Variants in ECE2 observed in about 807,000 individuals in gnomAD.
The protein encoded by ECE2 is endothelin-converting enzyme 2.
A neutral mutation model predicts 100.6 loss-of-function variants in ECE2; 81 were observed. The ratio of observed to expected loss-of-function variants is 0.81; its 90% CI spans 0.67 to 0.97. The LOEUF is 0.97. Among genes scored for constraint, ECE2 ranks in the 50% least tolerant of loss-of-function variants. ECE2 has a pLI of 0.00. For missense variants in ECE2, 911 were observed against 988.1 expected (o/e 0.92, Z 1.05); for synonymous variants, 391 against 391.5 (o/e 1.00, Z 0.02).
At chr3:184,288,301 C>T (rs1354512606) in intron 11 of ECE2, among the ~76,000 whole-genome samples, 12 of 85,986 alleles carry the variant, frequency 1.4e-4, no homozygotes, top group Admixed American at 1.7e-4. Context: ...CAGAGCAAAA[C>T]TCTGTCTCAA....
rs1284210456 is a variant in ECE2, at chr3:184,289,647, G to A, written c.1480G>A (p.Ala494Thr). 1 of 1,613,632 alleles carries A rather than the reference G, an allele frequency of 6.2e-7. No homozygotes were observed. The highest frequency in any genetic ancestry group is 8.5e-7 in the Non-Finnish European group (1 of 1,179,728). ...CTTAACCTGGTCTCTTCAGGCAGAT[G>A]CCATCTATGATATGATTGGTTTCCC... ...TRQAAKEKAD[A>T]IYDMIGFPDF... The change falls in exon 13 of 19, where the codon GCC (alanine) becomes ACC (threonine). Residue 494 changes from alanine to threonine, a missense_variant. Ala to Thr is a moderately conservative substitution (Grantham distance 58). Transcript: ENST00000404464. This position sits in a 1 kb window ranked among gnomAD's most constrained non-coding sequence, Gnocchi z 4.1.
Position 184,291,395 on chromosome 3 carries a change from G to A in ECE2, c.2077G>A (p.Val693Met), listed in dbSNP as rs752796877. Residue 693 changes from valine (V) to methionine (M), a missense_variant, in exon 18 of 19, where the codon GTG (valine) becomes ATG (methionine). Physicochemically the swap from Val to Met is conservative, Grantham distance 21. Coordinates refer to ENST00000404464, the MANE Select transcript of ECE2 (RefSeq NM_001100121.2). The surrounding 1 kb of genome is among the most constrained non-coding windows in gnomAD (Gnocchi z 4.1). ...TGGGGAGGAGCAGCAACTGCCAGCC[G>A]TGGGGCTCACCAACCACCAGCTCTT... ...KHGEEQQLPA[V>M]GLTNHQLFFV... 1.8e-5 allele frequency: 29 copies of A among 1,607,330 alleles called. No individual in the cohort carries two copies. Among genetic ancestry groups the A allele is most frequent in the African/African-American group, 6.7e-5 (5 of 74,866 alleles).
chr3:184,288,740 G>T (rs1302651890), intron 11 of ECE2, among the ~76,000 whole-genome samples: 1 of 152,198 alleles, frequency 6.6e-6, no homozygotes, highest in Non-Finnish European at 1.5e-5. Context: ...AAAAACTCTA[G>T]AAGTGGGTAA....
rs774549333 is a variant in ECE2 at position 184,277,973 on chromosome 3, G to A, written c.527G>A (p.Arg176His). 1.5e-5 allele frequency: 24 copies of A among 1,613,534 alleles called. No individual in the cohort carries two copies. The highest frequency in any genetic ancestry group is 1.3e-4 in the Admixed American group (8 of 60,018). The change falls in exon 5 of 19, where the codon CGC becomes CAC. Residue 176 changes from arginine (R) to histidine (H), a missense_variant. Physicochemically the swap from Arg to His is conservative, Grantham distance 29. Coordinates refer to ENST00000404464, the MANE Select transcript of ECE2 (RefSeq NM_001100121.2). ...AGTGAAGCTGAGCAGAAGACACAGC[G>A]CTTCTACCTATCTTGCCTACAGGTG... ...SSSEAEQKTQRFYLSCLQVER... is the reference protein window; with the variant it reads ...SSSEAEQKTQHFYLSCLQVER...
Position 184,284,960 on chromosome 3 carries a change from C to T in ECE2, c.1006-3C>T. The T allele has an allele frequency of 6.2e-7, 1 of 1,609,806 alleles. No homozygotes were observed. Among genetic ancestry groups the T allele is most frequent in the Non-Finnish European group, 8.5e-7 (1 of 1,178,698 alleles). ...GGCAAGGCCTGAGATTTTTTTCTTT[C>T]AGGCTCTGGCGCCCTCCATGGACTG... On this transcript the variant is annotated splice_region_variant and splice_polypyrimidine_tract_variant and intron_variant, in intron 8 of 18. Transcript: ENST00000404464.
In ECE2 at chr3:184,289,401, T is replaced by C. The variant is rs1361419951; in HGVS notation, c.1375-36T>C. Reference sequence around the variant, plus strand: ...ATGGGTGGGGCAGGGATGCATTCAGTGCAGGGGAAGGCTGACTTTACCTCC... The same window carrying C: ...ATGGGTGGGGCAGGGATGCATTCAGCGCAGGGGAAGGCTGACTTTACCTCC... On this transcript the variant is annotated intron_variant, in intron 11 of 18. Coordinates refer to ENST00000404464, the MANE Select transcript of ECE2 (RefSeq NM_001100121.2). This position sits in a 1 kb window ranked among gnomAD's most constrained non-coding sequence, Gnocchi z 4.1. 2 of 1,560,194 alleles carry C rather than the reference T, an allele frequency of 1.3e-6. No homozygotes were observed. Among genetic ancestry groups the C allele is most frequent in the Non-Finnish European group, 1.7e-6 (2 of 1,150,486 alleles).
In ECE2 at chr3:184,292,469, G is replaced by A. The variant is rs1039527305; in HGVS notation, c.*231G>A. 4.6e-5 allele frequency: 26 copies of A among 566,062 alleles called. No homozygotes were observed. The highest frequency in any genetic ancestry group is 4.7e-4 in the Middle Eastern group (1 of 2,140). 35.1% of individuals were successfully genotyped at this position (566,062 alleles called of 1,614,324 possible). A position where few individuals can be genotyped will look rare whatever the true frequency, so the allele number is the denominator to read the frequency against. Reference sequence around the variant, plus strand: ...CCACCATTCACTGTGACATCTTTCCGTGTCACCCTGCCTGGAAGAGGTCTG... The same window carrying A: ...CCACCATTCACTGTGACATCTTTCCATGTCACCCTGCCTGGAAGAGGTCTG... On this transcript the variant is annotated 3_prime_UTR_variant, in exon 19 of 19. Transcript: ENST00000404464.
chr3:184,290,536 C>T (rs759336651), intron 14 of ECE2, 21 bp from the exon 15 acceptor site: 4 of 1,608,936 alleles, frequency 2.5e-6, no homozygotes, highest in African/African-American at 1.3e-5. Context: ...GAGCCTCAGC[C>T]CCTCACTCTT....
At chr3:184,290,417 C>T (rs1188798056) in intron 14 of ECE2, 59 bp downstream of exon 14, 2 of 1,584,274 alleles carry the variant, frequency 1.3e-6, no homozygotes, top group Non-Finnish European at 1.7e-6. Flanking sequence ...GGGGAAGGTT[C>T]CTGGGATGGG....
Position 184,291,053 on chromosome 3 carries a change from C to T in ECE2, c.1848C>T (p.Asp616=), listed in dbSNP as rs1413930221. ...HAFDDQGREY[D]KEGNLRPWWQ... is the part of the protein sequence containing the mutation. ...AGTTCTCCTCAGGGCGCGAGTATGA[C>T]AAAGAAGGGAACCTGCGGCCCTGGT... The change falls in exon 17 of 19, where the codon GAC becomes GAT. Residue 616 remains aspartate, a synonymous_variant. Transcript: ENST00000404464. This position sits in a 1 kb window ranked among gnomAD's most constrained non-coding sequence, Gnocchi z 4.1. 3 of 1,570,944 alleles carry T rather than the reference C, an allele frequency of 1.9e-6. No individual in the cohort carries two copies. Among genetic ancestry groups the T allele is most frequent in the Non-Finnish European group, 2.6e-6 (3 of 1,157,124 alleles).
rs10652404 is a variant in ECE2 at position 184,279,656 on chromosome 3, C to CAAA, written c.816+1113_816+1115dup. Reference sequence around the variant, plus strand: ...TGGGCAACAGAACAAGACTTCATCTCAAAAAAAAAAAAAAAAGTGTTGACG... The same window carrying CAAA: ...TGGGCAACAGAACAAGACTTCATCTCAAAAAAAAAAAAAAAAAAAGTGTTGACG... On this transcript the variant is annotated intron_variant, in intron 7 of 18. Transcript: ENST00000404464. 1.4e-3 allele frequency among the ~76,000 whole-genome samples: 180 copies of CAAA among 128,080 alleles called. 3 individuals are homozygous for CAAA. The highest frequency in any genetic ancestry group is 3.3e-3 in the East Asian group (14 of 4,236). The allele number at this position is 128,080 out of a possible 152,430, so 84.0% of individuals were successfully genotyped here. A position where few individuals can be genotyped will look rare whatever the true frequency, so the allele number is the denominator to read the frequency against.
chr3:184,280,823 A>G (rs889302361), intron 7 of ECE2, among the ~76,000 whole-genome samples: 6 of 152,128 alleles, frequency 3.9e-5, no homozygotes, highest in Admixed American at 3.9e-4. Context: ...TACTAAAAAT[A>G]CAAAAATTAG....
At chr3:184,290,116 T>G in intron 13 of ECE2, 139 bp from the exon 14 acceptor site, 1 of 685,974 alleles carries the variant, frequency 1.5e-6, no homozygotes, top group Non-Finnish European at 2.5e-6. Context: ...CCTTTAAATA[T>G]TGCCAATTAT....
chr3:184,284,087 C>T, intron 8 of ECE2, 114 bp downstream of exon 8: 1 of 1,290,472 alleles, frequency 7.7e-7, no homozygotes, highest in Non-Finnish European at 1.1e-6. Context: ...CATTCCCTTG[C>T]TTTTCTGTGC....
rs1560185573 is a variant in ECE2 at position 184,285,589 on chromosome 3, GA to G, written c.1262del (p.Lys421SerfsTer27). On this transcript the variant is annotated frameshift_variant and splice_region_variant, in exon 10 of 19. Coordinates refer to ENST00000404464, the MANE Select transcript of ECE2 (RefSeq NM_001100121.2). LOFTEE classifies it high-confidence loss of function. ...KLLETLYGTK[K>X]SCVPRWQTCI... ...TGCTGGAGACCCTCTATGGCACTAA[GA>G]AGGTGGGCTTTCTGATTTTGCCTCC... 6.2e-7 allele frequency: 1 copy of G among 1,612,172 alleles called. No individual in the cohort carries two copies. Among genetic ancestry groups the G allele is most frequent in the Non-Finnish European group, 8.5e-7 (1 of 1,178,326 alleles).
chr3:184,285,072 A>C lies in ECE2; in HGVS notation c.1115A>C (p.Gln372Pro). Residue 372 changes from glutamine to proline, a missense_variant, in exon 9 of 19, where the codon CAG becomes CCG. Physicochemically the swap from Gln to Pro is moderately conservative, Grantham distance 76. Coordinates refer to ENST00000404464, the MANE Select transcript of ECE2 (RefSeq NM_001100121.2). ...VVVYGMDYLQ[Q>P]VSELINRTEP... ...GTGTATGGGATGGATTATTTGCAGC[A>C]GGTGTCAGAGCTCATCAACCGCACG... 5 of 1,614,196 alleles carry C rather than the reference A, an allele frequency of 3.1e-6. No homozygotes were observed.
chr3:184,291,594 C>T lies in ECE2; in HGVS notation c.2121+155C>T. The T allele has an allele frequency of 1.4e-6, 1 of 733,730 alleles. No homozygotes were observed. 45.5% of individuals were successfully genotyped at this position (733,730 alleles called of 1,614,324 possible). On this transcript the variant is annotated intron_variant, in intron 18 of 18. Transcript: ENST00000404464. The surrounding 1 kb of genome is among the most constrained non-coding windows in gnomAD (Gnocchi z 4.1). ...GGGCTGGGAAGGCCCATGCCCAGAG[C>T]CTCCGGCCAGCCAGGGCCCACAAAG...
intron 2 of ECE2, 78 bp downstream of exon 2, chr3:184,276,645 G>T (rs752393564): frequency 3.2e-6 from 5 of 1,576,368 alleles, no homozygotes; most frequent in Non-Finnish European, 4.3e-6. Context: ...GCTCTGGGCT[G>T]TTCTGGAGGG....
At chr3:184,276,734 A>C (rs1330309351) in intron 2 of ECE2, 158 bp from the exon 3 acceptor site, 1 of 1,549,492 alleles carries the variant, frequency 6.5e-7, no homozygotes, top group Admixed American at 1.9e-5. Context: ...GTGACGTTGC[A>C]CAAAACAGAC....
Sources: gnomAD v4.1 joint callset for allele counts (sites outside exome capture counted in the v4.1 genomes callset) on GRCh38, gnomAD v4.1.1 for gene constraint, Gnocchi (gnomAD v3.1) non-coding constraint, MANE v1.5 for transcripts, NCBI Gene and HGNC (gene_info 2026-07-23, HGNC 2026-07-21) for gene names.